Variants in ITPR2 observed in about 807,000 individuals in gnomAD.
ITPR2 encodes inositol 1,4,5-trisphosphate-gated calcium channel ITPR2.
In ITPR2, 207 loss-of-function variants were observed where a neutral mutation model predicts 317.1. That is an observed-to-expected ratio of 0.65 (90% CI 0.58 to 0.73). The LOEUF is 0.73. ITPR2 is among the 30% of genes least tolerant of loss of function. ITPR2 has a pLI of 0.00. For missense variants in ITPR2, 2,613 were observed against 3,284.0 expected, an observed-to-expected ratio of 0.80 and a Z score of 4.99; for synonymous variants, 1,156 against 1,149.1, an observed-to-expected ratio of 1.01 and a Z score of -0.12.
At chr12:26,643,329 T>G (rs1437950349) in intron 21 of ITPR2, among the ~76,000 whole-genome samples, 6 of 152,230 alleles carry the variant, frequency 3.9e-5, no homozygotes, top group African/African-American at 1.4e-4. Context: ...AGAAGTGGGA[T>G]GCTGCTATAA....
chr12:26,640,853 C>T (rs1039099548), intron 21 of ITPR2, among the ~76,000 whole-genome samples: 1 of 152,148 alleles, frequency 6.6e-6, no homozygotes, highest in African/African-American at 2.4e-5. Flanking sequence ...ATCTGAGATA[C>T]TCATATGAGT....
intron 2 of ITPR2, among the ~76,000 whole-genome samples, chr12:26,727,475 A>T (rs1162444493): frequency 2.0e-5 from 3 of 152,236 alleles, no homozygotes; most frequent in Non-Finnish European, 4.4e-5. Flanking sequence ...TTCCTAATTA[A>T]GGTCAATTGG....
At chr12:26,682,537 TTTGGCTGAAAA>T in intron 12 of ITPR2, 26 bp downstream of exon 12, 1 of 1,309,104 alleles carries the variant, frequency 7.6e-7, no homozygotes, top group Non-Finnish European at 1.1e-6. Flanking sequence ...TCTCATGGCA[TTTGGCTGAAAA>T]TTAAACCATC....
intron 35 of ITPR2, among the ~76,000 whole-genome samples, chr12:26,558,297 T>C (rs1435236533): frequency 6.6e-6 from 1 of 152,226 alleles, no homozygotes; most frequent in Admixed American, 6.5e-5. Flanking sequence ...TCTTTAACTC[T>C]TATTTTGGTC....
chr12:26,821,552 C>T (rs1469840462), intron 1 of ITPR2, among the ~76,000 whole-genome samples: 1 of 152,186 alleles, frequency 6.6e-6, no homozygotes. Context: ...CATTTTATTT[C>T]TTGGAGCTCC....
At chr12:26,379,177 C>T (rs190617750) in intron 55 of ITPR2, among the ~76,000 whole-genome samples, 132 of 152,314 alleles carry the variant, frequency 8.7e-4, no homozygotes, top group African/African-American at 3.0e-3. Context: ...CCAATCCTCT[C>T]GGAGCCTCAG....
intron 39 of ITPR2, among the ~76,000 whole-genome samples, chr12:26,492,933 A>G (rs374565543): frequency 0.06 from 9,050 of 151,048 alleles, 331 homozygotes; most frequent in South Asian, 0.13. Context: ...ATATATATAT[A>G]TATATATATA....
intron 2 of ITPR2, among the ~76,000 whole-genome samples, chr12:26,778,428 A>G (rs1326717718): frequency 6.6e-6 from 1 of 152,186 alleles, no homozygotes; most frequent in Non-Finnish European, 1.5e-5. Flanking sequence ...TGTGACTCCA[A>G]TTGCAGCTGC....
chr12:26,754,938 G>C (rs970634942), intron 2 of ITPR2, among the ~76,000 whole-genome samples: 1 of 152,140 alleles, frequency 6.6e-6, no homozygotes, highest in East Asian at 1.9e-4. Context: ...ATTAAAAATT[G>C]GGTTTAACAT....
chr12:26,464,063 T>C (rs1002735649), intron 45 of ITPR2, among the ~76,000 whole-genome samples: 1 of 152,202 alleles, frequency 6.6e-6, no homozygotes, highest in African/African-American at 2.4e-5. Context: ...CCAGCTAATA[T>C]TAACCTATTT....
chr12:26,485,604 A>C (rs9971669), intron 41 of ITPR2, among the ~76,000 whole-genome samples: 21,417 of 152,268 alleles, frequency 0.14, 2,162 homozygotes, highest in East Asian at 0.28. Context: ...CACTGACTAC[A>C]TTCATTTTTG....
chr12:26,543,896 G>A (rs6487560), intron 37 of ITPR2, among the ~76,000 whole-genome samples: 14 of 152,002 alleles, frequency 9.2e-5, no homozygotes, highest in Non-Finnish European at 2.1e-4. Context: ...CTGTTGTTAC[G>A]TTTAAAAAGC....
intron 1 of ITPR2, among the ~76,000 whole-genome samples, chr12:26,806,308 C>T (rs569916398): frequency 4.0e-5 from 6 of 151,416 alleles, no homozygotes; most frequent in Middle Eastern, 3.4e-3. Flanking sequence ...TTACTGAGTT[C>T]AGTAAATATG....
intron 29 of ITPR2, 149 bp from the exon 30 acceptor site, chr12:26,599,494 T>C (rs1945939419): frequency 8.7e-6 from 6 of 691,830 alleles, no homozygotes; most frequent in Non-Finnish European, 1.5e-5. Context: ...AAAAATGCGA[T>C]GAGATCATTA....
intron 2 of ITPR2, among the ~76,000 whole-genome samples, chr12:26,782,010 A>G (rs1214418713): frequency 6.5e-5 from 2 of 30,944 alleles, no homozygotes; most frequent in African/African-American, 2.3e-4. Context: ...ATATATATAT[A>G]TATATATATA....
chr12:26,695,500 C>G, intron 10 of ITPR2, 106 bp downstream of exon 10: 2 of 899,022 alleles, frequency 2.2e-6, no homozygotes, highest in Non-Finnish European at 3.6e-6. Context: ...CTCAGAAAAT[C>G]TCTCTGAGCC....
intron 15 of ITPR2, among the ~76,000 whole-genome samples, chr12:26,661,253 T>C (rs1292552769): frequency 1.3e-5 from 1 of 77,498 alleles, no homozygotes; most frequent in Non-Finnish European, 2.4e-5. Flanking sequence ...AGGAGTGATA[T>C]GACTAGGTAG....
chr12:26,353,862 C>T (rs994107903), intron 55 of ITPR2, among the ~76,000 whole-genome samples: 2 of 151,806 alleles, frequency 1.3e-5, no homozygotes, highest in Admixed American at 1.3e-4. Flanking sequence ...ACACACACAC[C>T]TCTATATACA....
chr12:26,378,601 G>C (rs749474937), intron 55 of ITPR2, among the ~76,000 whole-genome samples: 13 of 152,164 alleles, frequency 8.5e-5, no homozygotes, highest in Non-Finnish European at 1.9e-4. Context: ...AGTTCGTTCT[G>C]ATTTGCACAG....
Sources: allele counts gnomAD v4.1 joint callset (sites outside exome capture counted in the v4.1 genomes callset), GRCh38; gene constraint gnomAD v4.1.1; transcripts MANE v1.5; gene names NCBI Gene and HGNC (gene_info 2026-07-23, HGNC 2026-07-21).